The following ST6GALNAC3 variants were observed in gnomAD, a reference collection of about 807,000 sequenced individuals.
ST6GALNAC3 encodes the protein ST6 N-acetylgalactosaminide alpha-2,6-sialyltransferase 3.
In ST6GALNAC3, 25 loss-of-function variants were observed where a neutral mutation model predicts 32.7. That is an observed-to-expected ratio of 0.76 (90% CI 0.56 to 1.07). ST6GALNAC3 has a LOEUF of 1.07. ST6GALNAC3 is among the 50% of genes least tolerant of loss of function. ST6GALNAC3 has a pLI of 0.00. For synonymous variants in ST6GALNAC3, 129 were observed against 133.1 expected (o/e 0.97, Z 0.21); for missense variants, 355 against 382.4 (o/e 0.93, Z 0.60).
At chr1:76,371,598 G>A (rs780013320) in intron 2 of ST6GALNAC3, among the ~76,000 whole-genome samples, 3 of 152,132 alleles carry the variant, frequency 2.0e-5, no homozygotes, top group Non-Finnish European at 4.4e-5. Context: ...TCAGATTATG[G>A]AGGATTTTGA....
chr1:76,331,224 C>T (rs1168606232), intron 2 of ST6GALNAC3, among the ~76,000 whole-genome samples: 1 of 152,010 alleles, frequency 6.6e-6, no homozygotes, highest in Non-Finnish European at 1.5e-5. Context: ...AGTTTGATGT[C>T]TTAAGAAAGA....
At chr1:76,158,375 G>A (rs1274281535) in intron 1 of ST6GALNAC3, among the ~76,000 whole-genome samples, 4 of 152,168 alleles carry the variant, frequency 2.6e-5, no homozygotes, top group Non-Finnish European at 5.9e-5. Context: ...AACTTCTCTA[G>A]CCTAGCGATT....
intron 3 of ST6GALNAC3, among the ~76,000 whole-genome samples, chr1:76,575,065 T>G (rs146328283): frequency 2.0e-3 from 297 of 152,256 alleles, no homozygotes; most frequent in African/African-American, 6.9e-3. Flanking sequence ...TTTTTATAGC[T>G]GAGAAGAGAC....
intron 3 of ST6GALNAC3, among the ~76,000 whole-genome samples, chr1:76,494,468 T>TATACACACACAC (rs1472545640): frequency 1.7e-5 from 1 of 59,526 alleles, no homozygotes; most frequent in Non-Finnish European, 2.9e-5. Flanking sequence ...TATATATATA[T>TATACACACACAC]ACACACACAC....
At chr1:76,211,717 T>C (rs1227958640) in intron 1 of ST6GALNAC3, among the ~76,000 whole-genome samples, 1 of 151,596 alleles carries the variant, frequency 6.6e-6, no homozygotes, top group Non-Finnish European at 1.5e-5. Flanking sequence ...TTCTCGCTCA[T>C]AGGTGGGAAT....
At chr1:76,525,652 A>C (rs1460782454) in intron 3 of ST6GALNAC3, among the ~76,000 whole-genome samples, 1 of 151,408 alleles carries the variant, frequency 6.6e-6, no homozygotes, top group Non-Finnish European at 1.5e-5. Flanking sequence ...ACCCTGTTTA[A>C]TCTTCACATT....
chr1:76,139,172 C>A (rs1020181255), intron 1 of ST6GALNAC3, among the ~76,000 whole-genome samples: 1 of 150,258 alleles, frequency 6.7e-6, no homozygotes, highest in Non-Finnish European at 1.5e-5. Flanking sequence ...CCAGCCTGGG[C>A]GACAGAGCGA....
intron 2 of ST6GALNAC3, among the ~76,000 whole-genome samples, chr1:76,329,375 A>G (rs1017650882): frequency 6.6e-6 from 1 of 152,204 alleles, no homozygotes; most frequent in African/African-American, 2.4e-5. Context: ...CAGAAAGCCA[A>G]TTAGGAGATT....
intron 1 of ST6GALNAC3, among the ~76,000 whole-genome samples, chr1:76,192,248 C>G (rs1173430574): frequency 6.6e-6 from 1 of 152,164 alleles, no homozygotes; most frequent in Non-Finnish European, 1.5e-5. Context: ...CATATGAACT[C>G]ATTTTCTTCA....
At chr1:76,183,417 A>C (rs1468494297) in intron 1 of ST6GALNAC3, among the ~76,000 whole-genome samples, 1 of 152,158 alleles carries the variant, frequency 6.6e-6, no homozygotes, top group Non-Finnish European at 1.5e-5. Flanking sequence ...AATAATGACT[A>C]TATACACATA....
intron 3 of ST6GALNAC3, among the ~76,000 whole-genome samples, chr1:76,601,532 TAAAG>T (rs1647236464): frequency 6.6e-6 from 1 of 152,108 alleles, no homozygotes; most frequent in Non-Finnish European, 1.5e-5. Context: ...AATTGAAGGA[TAAAG>T]AAAGAAAATT....
chr1:76,200,371 G>A (rs1233095151), intron 1 of ST6GALNAC3, among the ~76,000 whole-genome samples: 6 of 152,160 alleles, frequency 3.9e-5, no homozygotes, highest in Admixed American at 6.5e-5. Flanking sequence ...TTCCTGGTGC[G>A]CTGCAGTCTC....
At chr1:76,161,945 A>G (rs1326181747) in intron 1 of ST6GALNAC3, among the ~76,000 whole-genome samples, 1 of 152,244 alleles carries the variant, frequency 6.6e-6, no homozygotes, top group Non-Finnish European at 1.5e-5. Context: ...ACTGAAGATC[A>G]GGGTTGGTCA....
At chr1:76,351,561 A>C (rs187273862) in intron 2 of ST6GALNAC3, among the ~76,000 whole-genome samples, 1 of 151,988 alleles carries the variant, frequency 6.6e-6, no homozygotes, top group Non-Finnish European at 1.5e-5. Context: ...TAGAGTCTCC[A>C]TGTTTGCCCA....
At chr1:76,157,447 A>G (rs951904768) in intron 1 of ST6GALNAC3, among the ~76,000 whole-genome samples, 1 of 152,168 alleles carries the variant, frequency 6.6e-6, no homozygotes, top group African/African-American at 2.4e-5. Context: ...TTATACCCCC[A>G]TGGAAAATAG....
At chr1:76,147,554 A>G (rs190917323) in intron 1 of ST6GALNAC3, among the ~76,000 whole-genome samples, 1 of 152,252 alleles carries the variant, frequency 6.6e-6, no homozygotes, top group Admixed American at 6.5e-5. Flanking sequence ...TTTATGACAG[A>G]GAACTTTACC....
At chr1:76,448,286 T>G (rs1657132900) in intron 3 of ST6GALNAC3, among the ~76,000 whole-genome samples, 1 of 152,232 alleles carries the variant, frequency 6.6e-6, no homozygotes, top group Admixed American at 6.5e-5. Flanking sequence ...TGGCTGTATT[T>G]ACCCATTGCC....
chr1:76,550,912 A>G (rs1664589746), intron 3 of ST6GALNAC3, among the ~76,000 whole-genome samples: 1 of 151,796 alleles, frequency 6.6e-6, no homozygotes, highest in Non-Finnish European at 1.5e-5. Flanking sequence ...CTGCCACCAC[A>G]CCCAGCTAAT....
At chr1:76,410,361 A>C (rs193061331) in intron 2 of ST6GALNAC3, among the ~76,000 whole-genome samples, 74 of 152,082 alleles carry the variant, frequency 4.9e-4, no homozygotes, top group Middle Eastern at 3.4e-3. Flanking sequence ...CTTTCACTTC[A>C]TTCAAGTCTT....
Sources: gnomAD v4.1 joint callset for allele counts (sites outside exome capture counted in the v4.1 genomes callset) on GRCh38, gnomAD v4.1.1 for gene constraint, MANE v1.5 for transcripts, NCBI Gene and HGNC (gene_info 2026-07-23, HGNC 2026-07-21) for gene names.